The following PLB1 variants were observed in gnomAD, a reference collection of about 807,000 sequenced individuals.
PLB1 encodes phospholipase B1, also known as phospholipase B1, membrane-associated.
PLB1 carries 242 observed loss-of-function variants against 227.4 expected under a neutral mutation model. The observed-to-expected ratio is 1.06, with a 90% CI of 0.96 to 1.18. The LOEUF (loss-of-function observed/expected upper bound fraction) is 1.18. Ranked by LOEUF, PLB1 falls within the 50% of genes most tolerant of loss-of-function variation. The probability of loss-of-function intolerance (pLI) is 0.00; values close to 1 mark genes in which losing one functional copy is unlikely to be tolerated. For synonymous variants in PLB1, 757 were observed against 682.2 expected, an observed-to-expected ratio of 1.11 and a Z score of -1.71; for missense variants, 1,858 against 1,816.3, an observed-to-expected ratio of 1.02 and a Z score of -0.42.
intron 43 of PLB1, 54 bp from the exon 44 acceptor site, chr2:28,613,977 A>C: frequency 6.8e-7 from 1 of 1,464,872 alleles, no homozygotes; most frequent in South Asian, 1.1e-5. Flanking sequence ...TCTCCTTCTC[A>C]AGCAAACTTC....
chr2:28,526,063 G>C (rs958540680), intron 6 of PLB1, 118 bp downstream of exon 6: 23 of 1,142,420 alleles, frequency 2.0e-5, no homozygotes, highest in African/African-American at 6.1e-5. Flanking sequence ...GAGCCCAGGA[G>C]AAAGGGGACG....
At position 28,633,044 on chromosome 2, in the gene PLB1, G is replaced by A. The variant is rs764395972; in HGVS notation, c.4098+5G>A. 46 of 1,612,732 alleles carry A rather than the reference G, an allele frequency of 2.9e-5. No homozygotes were observed. The highest frequency in any genetic ancestry group is 3.7e-5 in the Non-Finnish European group (44 of 1,179,020). Reference sequence around the variant, plus strand: ...ATCGCACTCTGGAACAACATGGTGAGCAGCCAAGGGCCTGGTGGGCCTTGT... The same window carrying A: ...ATCGCACTCTGGAACAACATGGTGAACAGCCAAGGGCCTGGTGGGCCTTGT... On this transcript the variant is annotated splice_donor_5th_base_variant and intron_variant, in intron 56 of 57. Coordinates refer to ENST00000327757, the MANE Select transcript of PLB1 (RefSeq NM_153021.5).
rs73922187 is a variant in PLB1, at chr2:28,593,531, G to T, written c.2248-150G>T. The T allele has an allele frequency of 3.0e-3, 2,002 of 661,622 alleles. 32 individuals carry two copies. In the African/African-American group the frequency reaches 0.032, roughly 11 times the overall value. 41.0% of individuals were successfully genotyped at this position (661,622 alleles called of 1,614,324 possible). On this transcript the variant is annotated intron_variant, in intron 32 of 57. Coordinates refer to ENST00000327757, the MANE Select transcript of PLB1 (RefSeq NM_153021.5). ...AGGCACACAGCTGGAGAGGAGGATG[G>T]CAGACTTAGAGCCAGGGGCTCCTGG...
At chr2:28,518,111 A>G (rs1301663371) in intron 2 of PLB1, among the ~76,000 whole-genome samples, 2 of 152,056 alleles carry the variant, frequency 1.3e-5, no homozygotes, top group Non-Finnish European at 2.9e-5. Flanking sequence ...CAAACTCCTG[A>G]TCTCAAGTGA....
intron 6 of PLB1, among the ~76,000 whole-genome samples, chr2:28,527,380 CAAGCTCAGCTGG>C (rs961397982): frequency 2.0e-5 from 3 of 152,208 alleles, no homozygotes; most frequent in African/African-American, 7.2e-5. Context: ...ACCACAGCTG[CAAGCTCAGCTGG>C]GTGGCTGAGC....
intron 35 of PLB1, among the ~76,000 whole-genome samples, chr2:28,599,018 G>A (rs1468668598): frequency 3.3e-5 from 5 of 152,210 alleles, no homozygotes; most frequent in Non-Finnish European, 5.9e-5. Context: ...ATAATTGGAC[G>A]AATCGACTAA....
At chr2:28,554,301 GTA>G (rs1289159510) in intron 17 of PLB1, among the ~76,000 whole-genome samples, 1 of 109,152 alleles carries the variant, frequency 9.2e-6, no homozygotes, top group Non-Finnish European at 1.9e-5. Flanking sequence ...ATAGATGTGT[GTA>G]TATATATGTC....
rs752756793 is a variant in PLB1, at chr2:28,644,041, C to T, written c.*980C>T. On this transcript the variant is annotated 3_prime_UTR_variant, in exon 58 of 58. Transcript: ENST00000327757. ...AATAGAAGTGATGCTTGCGCAACAC[C>T]GTGAATGTACTAAACGCCGCAAATT... 3.3e-5 allele frequency among the ~76,000 whole-genome samples: 5 copies of T among 152,156 alleles called. No homozygotes were observed. The highest frequency in any genetic ancestry group is 9.7e-5 in the African/African-American group (4 of 41,416).
chr2:28,515,688 T>A (rs372751758), intron 1 of PLB1, among the ~76,000 whole-genome samples: 1 of 152,212 alleles, frequency 6.6e-6, no homozygotes, highest in Non-Finnish European at 1.5e-5. Flanking sequence ...AATCAATCCC[T>A]GTTGCCCAAG....
chr2:28,570,187 C>T (rs569192253), intron 20 of PLB1, among the ~76,000 whole-genome samples: 12 of 152,070 alleles, frequency 7.9e-5, no homozygotes, highest in African/African-American at 2.9e-4. Context: ...ATGAGTTTTA[C>T]CCTGATAGCA....
At chr2:28,508,687 C>A (rs943903301) in intron 1 of PLB1, among the ~76,000 whole-genome samples, 2 of 152,240 alleles carry the variant, frequency 1.3e-5, no homozygotes, top group African/African-American at 4.8e-5. Flanking sequence ...CCCTCCCCTT[C>A]CAAGCTCACC....
At chr2:28,580,465 AGCACTTCGGGAGGCCGAG>A (rs1269679355) in intron 23 of PLB1, among the ~76,000 whole-genome samples, 1 of 152,252 alleles carries the variant, frequency 6.6e-6, no homozygotes, top group Non-Finnish European at 1.5e-5. Flanking sequence ...CTGTAATCCC[AGCACTTCGGGAGGCCGAG>A]GCAGGCAGAT....
rs749536416 is a variant in PLB1 at position 28,582,464 on chromosome 2, G to A, written c.1692G>A (p.Leu564=). 6.2e-7 allele frequency: 1 copy of A among 1,612,848 alleles called. No individual in the cohort carries two copies. Among genetic ancestry groups the A allele is most frequent in the Admixed American group, 1.7e-5 (1 of 59,910 alleles). ...TTGAGATCGTCAACCTGAGGGAGCT[G>A]TACCAGGAGAAAAAAGTCTACTGCC... ...TVLEIVNLRE[L]YQEKKVYCPR... is the part of the protein sequence containing the mutation. The change falls in exon 25 of 58, where the codon CTG becomes CTA. Residue 564 remains leucine, a synonymous_variant. Coordinates refer to ENST00000327757, the MANE Select transcript of PLB1 (RefSeq NM_153021.5).
intron 15 of PLB1, 93 bp downstream of exon 15, chr2:28,549,024 G>A (rs1673762145): frequency 9.2e-7 from 1 of 1,092,534 alleles, no homozygotes; most frequent in Non-Finnish European, 1.4e-6. Context: ...GGTCTTACCT[G>A]AGATGTGAAT....
chr2:28,556,468 T>C (rs1415065066), intron 17 of PLB1, among the ~76,000 whole-genome samples: 1 of 152,200 alleles, frequency 6.6e-6, no homozygotes, highest in Non-Finnish European at 1.5e-5. Context: ...TGCAACTTTT[T>C]CCTCCTAGTC....
intron 14 of PLB1, among the ~76,000 whole-genome samples, chr2:28,543,735 T>A (rs1372652559): frequency 6.6e-6 from 1 of 152,244 alleles, no homozygotes; most frequent in Admixed American, 6.5e-5. Context: ...TCACAAGCTC[T>A]GTGAACTCAG....
intron 42 of PLB1, 98 bp downstream of exon 42, chr2:28,606,046 C>A (rs2148306444): frequency 1.1e-6 from 1 of 935,630 alleles, no homozygotes; most frequent in Non-Finnish European, 1.7e-6. Flanking sequence ...GCTGAGGGGG[C>A]AGTGGCTGGT....
chr2:28,630,287 G>A (rs1221098491), intron 53 of PLB1, among the ~76,000 whole-genome samples: 1 of 152,188 alleles, frequency 6.6e-6, no homozygotes, highest in Non-Finnish European at 1.5e-5. Flanking sequence ...TTGGGAAGGA[G>A]GAAGGGGAAT....
chr2:28,571,828 C>G (rs2148253362), intron 20 of PLB1, among the ~76,000 whole-genome samples: 1 of 152,066 alleles, frequency 6.6e-6, no homozygotes, highest in Middle Eastern at 3.4e-3. Flanking sequence ...AGAGCTAAAA[C>G]TAACTCTAGG....
Sources: gnomAD v4.1 joint callset for allele counts (sites outside exome capture counted in the v4.1 genomes callset) on GRCh38, gnomAD v4.1.1 for gene constraint, MANE v1.5 for transcripts, NCBI Gene and HGNC (gene_info 2026-07-23, HGNC 2026-07-21) for gene names.